M1AP: variants seen among roughly 807,000 people sequenced by gnomAD.
M1AP encodes meiosis 1 associated protein, also known as meiosis 1 arrest protein.
A neutral mutation model predicts 51.2 loss-of-function variants in M1AP; 39 were observed. That is an observed-to-expected ratio of 0.76 (90% CI 0.59 to 1.00). M1AP has a LOEUF of 1.00. Ranked by LOEUF, M1AP falls within the 50% of genes least tolerant of loss-of-function variation. The probability of loss-of-function intolerance (pLI) is 0.00; values close to 1 mark genes in which losing one functional copy is unlikely to be tolerated. For missense variants in M1AP, 545 were observed against 641.2 expected, an observed-to-expected ratio of 0.85 and a Z score of 1.62; for synonymous variants, 251 against 249.2, an observed-to-expected ratio of 1.01 and a Z score of -0.07.
chr2:74,575,496 T>C lies in M1AP; in HGVS notation c.1016A>G (p.Asp339Gly). ...ILRPTSCWQL[D>G]WDELETNQQH... The stretch of plus-strand genomic sequence containing the variant: ...CTGATTTGTCTCCAGCTCATCCCAG[T>C]CCAGCTGCCAACAGCTTGTAGGTCT... Residue 339 changes from aspartate (D) to glycine (G), a missense_variant, in exon 7 of 11, where the codon GAC (aspartate) becomes GGC (glycine). Asp to Gly is a moderately conservative substitution (Grantham distance 94). Coordinates refer to ENST00000421985, the MANE Select transcript of M1AP (RefSeq NM_001321739.2). The C allele has an allele frequency of 6.2e-7, 1 of 1,614,160 alleles. No individual in the cohort carries two copies.
chr2:74,587,035 T>C (rs1346325501), intron 4 of M1AP, among the ~76,000 whole-genome samples: 2 of 151,932 alleles, frequency 1.3e-5, no homozygotes, highest in African/African-American at 4.8e-5. Context: ...AGCTATGTGA[T>C]TTTGGGCGAA....
intron 8 of M1AP, among the ~76,000 whole-genome samples, chr2:74,561,060 A>G (rs1573052249): frequency 1.2e-5 from 1 of 85,216 alleles, no homozygotes; most frequent in Non-Finnish European, 2.4e-5. Flanking sequence ...GTGGAGGAGG[A>G]GGGGAGGAGG....
intron 2 of M1AP, among the ~76,000 whole-genome samples, chr2:74,617,048 C>T (rs1016756767): frequency 2.8e-4 from 43 of 152,264 alleles, no homozygotes; most frequent in African/African-American, 8.9e-4. Context: ...TAACTTAACT[C>T]CAATTTGAGA....
intron 2 of M1AP, among the ~76,000 whole-genome samples, chr2:74,621,378 T>C (rs1682023507): frequency 6.6e-6 from 1 of 152,114 alleles, no homozygotes; most frequent in Non-Finnish European, 1.5e-5. Context: ...CAGCCGGGCC[T>C]CTGTCAAATA....
intron 4 of M1AP, among the ~76,000 whole-genome samples, chr2:74,596,879 T>C (rs1253000045): frequency 6.6e-6 from 1 of 152,164 alleles, no homozygotes; most frequent in Non-Finnish European, 1.5e-5. Flanking sequence ...GTGTGTGTAC[T>C]TTAGGATTCC....
chr2:74,589,836 G>T (rs190214534), intron 4 of M1AP, among the ~76,000 whole-genome samples: 105 of 152,326 alleles, frequency 6.9e-4, no homozygotes, highest in African/African-American at 2.4e-3. Context: ...GTTAACTAAA[G>T]AACTAATGGT....
intron 4 of M1AP, among the ~76,000 whole-genome samples, chr2:74,605,352 G>C (rs185468145): frequency 2.0e-5 from 3 of 152,218 alleles, no homozygotes; most frequent in African/African-American, 7.2e-5. Context: ...CAAAAAGCAG[G>C]AAAAAACTGC....
At chr2:74,565,648 G>A (rs1000644051) in intron 7 of M1AP, among the ~76,000 whole-genome samples, 1 of 152,028 alleles carries the variant, frequency 6.6e-6, no homozygotes, top group African/African-American at 2.4e-5. Context: ...CTAATATGGT[G>A]AAACCCCATC....
rs138122338 is a variant in M1AP, at chr2:74,560,157, C to G, written c.1416G>C (p.Pro472=). The G allele has an allele frequency of 4.7e-4, 761 of 1,613,646 alleles. No individual in the cohort carries two copies. The highest frequency in any genetic ancestry group is 5.2e-4 in the Non-Finnish European group (614 of 1,179,924). The part of the protein sequence containing the change: ...RLHPHWESRA[P]RKHPCKTGQL... The stretch of plus-strand genomic sequence containing the variant: ...GGAAGGAGGGGAGCGGTACCTTTCT[C>G]GGAGCTCGGCTCTCCCAGTGTGGGT... Residue 472 remains proline (P), a synonymous_variant, in exon 9 of 11, where the codon CCG becomes CCC. Coordinates refer to ENST00000421985, the MANE Select transcript of M1AP (RefSeq NM_001321739.2).
intron 5 of M1AP, among the ~76,000 whole-genome samples, chr2:74,578,223 C>A (rs766231943): frequency 3.3e-5 from 5 of 152,190 alleles, no homozygotes; most frequent in Non-Finnish European, 5.9e-5. Flanking sequence ...CTACCCCAGA[C>A]CAACTGAATC....
intron 4 of M1AP, among the ~76,000 whole-genome samples, chr2:74,599,480 T>G (rs1350823022): frequency 1.3e-5 from 2 of 152,146 alleles, no homozygotes; most frequent in East Asian, 3.8e-4. Flanking sequence ...TATGGAATAT[T>G]GATAGTTTCA....
intron 4 of M1AP, among the ~76,000 whole-genome samples, chr2:74,593,961 C>G (rs1680186423): frequency 6.6e-6 from 1 of 152,134 alleles, no homozygotes; most frequent in South Asian, 2.1e-4. Flanking sequence ...AGGAGAGAGC[C>G]AGAGCCGGAG....
chr2:74,562,513 A>AG, intron 7 of M1AP, 90 bp from the exon 8 acceptor site: 3 of 1,435,248 alleles, frequency 2.1e-6, no homozygotes, highest in Non-Finnish European at 2.9e-6. Context: ...CCTGACTTCC[A>AG]GGGGTGCTGA....
At chr2:74,632,817 G>A (rs1682777889) in intron 2 of M1AP, among the ~76,000 whole-genome samples, 1 of 152,142 alleles carries the variant, frequency 6.6e-6, no homozygotes, top group Non-Finnish European at 1.5e-5. Context: ...GGTTTCTAGT[G>A]TAAAGCTGTC....
At chr2:74,635,126 T>C (rs1227683398) in intron 2 of M1AP, among the ~76,000 whole-genome samples, 1 of 152,172 alleles carries the variant, frequency 6.6e-6, no homozygotes, top group Non-Finnish European at 1.5e-5. Flanking sequence ...AGATTTCTTT[T>C]TCAAAATTTA....
chr2:74,591,115 T>C (rs1425828145), intron 4 of M1AP, among the ~76,000 whole-genome samples: 4 of 152,202 alleles, frequency 2.6e-5, no homozygotes, highest in Admixed American at 2.0e-4. Context: ...ACCATGCAAC[T>C]ATAAGGGATG....
chr2:74,638,279 A>G (rs1683098727), intron 2 of M1AP, among the ~76,000 whole-genome samples: 1 of 151,904 alleles, frequency 6.6e-6, no homozygotes, highest in South Asian at 2.1e-4. Flanking sequence ...GTCTTGAACT[A>G]CTGACCTCAG....
At chr2:74,593,535 T>C (rs925786364) in intron 4 of M1AP, among the ~76,000 whole-genome samples, 1 of 152,102 alleles carries the variant, frequency 6.6e-6, no homozygotes, top group African/African-American at 2.4e-5. Flanking sequence ...TGTGCACCAC[T>C]GCATCTGGCT....
chr2:74,639,350 T>C (rs528218600), intron 2 of M1AP, among the ~76,000 whole-genome samples: 1 of 152,356 alleles, frequency 6.6e-6, no homozygotes, highest in African/African-American at 2.4e-5. Flanking sequence ...GCAGCAAGGC[T>C]ACCTCAAGGA....
Sources: gnomAD v4.1 joint callset for allele counts (sites outside exome capture counted in the v4.1 genomes callset) on GRCh38, gnomAD v4.1.1 for gene constraint, MANE v1.5 for transcripts, NCBI Gene and HGNC (gene_info 2026-07-23, HGNC 2026-07-21) for gene names.